LRIG2: variants seen among roughly 807,000 people sequenced by gnomAD.
LRIG2 encodes the protein leucine-rich repeats and immunoglobulin-like domains protein 2.
In LRIG2, 93 loss-of-function variants were observed where a neutral mutation model predicts 107.8. The ratio of observed to expected loss-of-function variants is 0.86; its 90% CI spans 0.73 to 1.03. LRIG2 has a LOEUF of 1.03. Ranked by LOEUF, LRIG2 falls within the 50% of genes least tolerant of loss-of-function variation. The pLI is 0.00. For missense variants in LRIG2, 1,226 were observed against 1,296.0 expected (o/e 0.95, Z 0.83); for synonymous variants, 471 against 470.6 (o/e 1.00, Z -0.01).
In LRIG2 at chr1:113,080,836, GTTTTTTT is replaced by G. The variant is rs1007236694; in HGVS notation, c.239+7209_239+7215del. ...AATTCTAAATATGGGAACACTAAAA[GTTTTTTT>G]TTTTTTTTTTTTTTTTTGAGACGGA... On this transcript the variant is annotated intron_variant, in intron 1 of 17. Coordinates refer to ENST00000361127, the MANE Select transcript of LRIG2 (RefSeq NM_014813.3). Among the ~76,000 whole-genome samples, 543 of 84,610 alleles carry G rather than the reference GTTTTTTT, an allele frequency of 6.4e-3. 2 individuals carry two copies. The highest frequency in any genetic ancestry group is 0.032 in the Middle Eastern group (3 of 94). 55.5% of individuals were successfully genotyped at this position (84,610 alleles called of 152,430 possible).
chr1:113,111,470 C>A (rs1217966396), intron 13 of LRIG2, among the ~76,000 whole-genome samples: 6 of 152,102 alleles, frequency 3.9e-5, no homozygotes, highest in African/African-American at 1.4e-4. Flanking sequence ...TATCCCTAGC[C>A]CCCGCTCACC....
intron 15 of LRIG2, among the ~76,000 whole-genome samples, chr1:113,115,702 AT>A (rs201742549): frequency 0.017 from 2,578 of 151,550 alleles, 75 homozygotes; most frequent in African/African-American, 0.059. Flanking sequence ...TAATTTTTGT[AT>A]TTTTAGTTGA....
intron 4 of LRIG2, 134 bp downstream of exon 4, chr1:113,093,698 C>T (rs1447971071): frequency 1.4e-5 from 6 of 441,552 alleles, no homozygotes; most frequent in African/African-American, 1.2e-4. Flanking sequence ...GGGTGCAGCG[C>T]ACCAGCATGG....
rs1557924260 is a variant in LRIG2 at position 113,123,730 on chromosome 1, TGTG to T, written c.2972-144_2972-142del. The T allele has an allele frequency of 1.6e-3, 729 of 456,746 alleles. 1 individual carries two copies. The highest frequency in any genetic ancestry group is 9.3e-3 in the East Asian group (246 of 26,340). The allele number at this position is 456,746 out of a possible 1,614,324, so 28.3% of individuals were successfully genotyped here. On this transcript the variant is annotated intron_variant, in intron 17 of 17. Coordinates refer to ENST00000361127, the MANE Select transcript of LRIG2 (RefSeq NM_014813.3). Reference sequence around the variant, plus strand: ...GACCATGTTCTGGTGGTGGTTTTTGTGTGTGTGTGTGTGTGTGTGTGTGTGTGT... The same window carrying T: ...GACCATGTTCTGGTGGTGGTTTTTGTTGTGTGTGTGTGTGTGTGTGTGTGT...
intron 8 of LRIG2, among the ~76,000 whole-genome samples, chr1:113,097,736 C>T (rs1384923457): frequency 1.3e-5 from 2 of 152,140 alleles, no homozygotes; most frequent in African/African-American, 4.8e-5. Context: ...AGGATCAAAT[C>T]TGGGGAATTC....
chr1:113,100,682 T>G (rs1312499517), intron 11 of LRIG2, 194 bp downstream of exon 11: 9 of 449,308 alleles, frequency 2.0e-5, no homozygotes, highest in South Asian at 3.3e-5. Context: ...GCCCAGAGTG[T>G]GTGGCACCAA....
In LRIG2 at chr1:113,088,597, A is replaced by G. The variant is rs61818195; in HGVS notation, c.240-2721A>G. ...GTTAGGATTAAAATGAAAGCCCTTA[A>G]TCTGGAAGGGGAAAACTGCTAAGTT... On this transcript the variant is annotated intron_variant, in intron 1 of 17. Coordinates refer to ENST00000361127, the MANE Select transcript of LRIG2 (RefSeq NM_014813.3). Among the ~76,000 whole-genome samples, 1,122 of 152,282 alleles carry G rather than the reference A, an allele frequency of 7.4e-3. 6 individuals carry two copies. The highest frequency in any genetic ancestry group is 0.012 in the Non-Finnish European group (810 of 68,018).
In LRIG2 at chr1:113,112,752, C is replaced by G. The variant is rs763885760; in HGVS notation, c.2072C>G (p.Thr691Arg). 1.2e-6 allele frequency: 2 copies of G among 1,603,598 alleles called. No individual in the cohort carries two copies. The highest frequency in any genetic ancestry group is 1.7e-6 in the Non-Finnish European group (2 of 1,171,238). ...GGTCTCTCAGCAAATGCTTCCCTAA[C>G]AGTGTTAGGTACGTTTACTGCTCCA... is the stretch of plus-strand genomic sequence containing the variant. ...AGGLSANASL[T>R]VLETPSFIRP... The change falls in exon 14 of 18, where the codon ACA becomes AGA. Residue 691 changes from threonine to arginine, a missense_variant. Coordinates refer to ENST00000361127, the MANE Select transcript of LRIG2 (RefSeq NM_014813.3).
chr1:113,096,043 G>A lies in LRIG2; in HGVS notation c.947+26G>A, dbSNP rs764515611. The A allele has an allele frequency of 1.1e-5, 17 of 1,613,732 alleles. No homozygotes were observed. In the South Asian group the frequency reaches 1.9e-4, roughly 18 times the overall value. On this transcript the variant is annotated intron_variant, in intron 7 of 17. Transcript: ENST00000361127. ...GTAAGTGTTGGATAGCATTTCACTG[G>A]AGGCAGTTAAGACTAGAGCAGATTG... is the stretch of plus-strand genomic sequence containing the variant.
intron 1 of LRIG2, among the ~76,000 whole-genome samples, chr1:113,089,698 T>TG (rs1553227174): frequency 3.5e-5 from 5 of 144,594 alleles, no homozygotes; most frequent in African/African-American, 8.0e-5. Flanking sequence ...TTTTTTTTTT[T>TG]GGAGACAGAG....
intron 1 of LRIG2, among the ~76,000 whole-genome samples, chr1:113,080,422 C>T (rs1653215555): frequency 1.3e-5 from 2 of 151,926 alleles, no homozygotes; most frequent in African/African-American, 4.8e-5. Context: ...CTCTGTTGCC[C>T]AGGCTGGAGT....
chr1:113,090,559 TG>T (rs1246934769), intron 1 of LRIG2, among the ~76,000 whole-genome samples: 1 of 151,878 alleles, frequency 6.6e-6, no homozygotes, highest in African/African-American at 2.4e-5. Flanking sequence ...TTTTTTTGGC[TG>T]GGTGTGGTGT....
chr1:113,116,873 G>A (rs1363460225), intron 16 of LRIG2, among the ~76,000 whole-genome samples: 2 of 152,176 alleles, frequency 1.3e-5, no homozygotes, highest in Non-Finnish European at 1.5e-5. Flanking sequence ...ATCTACCCAC[G>A]AGGCTGAAGC....
At chr1:113,102,691 T>A (rs2101046004) in intron 11 of LRIG2, among the ~76,000 whole-genome samples, 1 of 152,216 alleles carries the variant, frequency 6.6e-6, no homozygotes, top group East Asian at 1.9e-4. Context: ...TATGTTCATA[T>A]TTTTCTTTTT....
chr1:113,093,116 T>C (rs754932070), intron 2 of LRIG2, 90 bp from the exon 3 acceptor site: 36 of 764,616 alleles, frequency 4.7e-5, no homozygotes, highest in Non-Finnish European at 7.4e-5. Context: ...TTGGCACCTA[T>C]TCTAAAGAAT....
At chr1:113,087,071 A>AAGGCTCACTACAGCCT (rs1412071454) in intron 1 of LRIG2, among the ~76,000 whole-genome samples, 1 of 152,142 alleles carries the variant, frequency 6.6e-6, no homozygotes, top group Admixed American at 6.6e-5. Flanking sequence ...TGAGCCTGGG[A>AAGGCTCACTACAGCCT]GGTGAAGGCT....
intron 1 of LRIG2, among the ~76,000 whole-genome samples, chr1:113,086,285 A>G (rs1216771): frequency 0.98 from 149,002 of 152,204 alleles, 73,010 homozygotes; most frequent in East Asian, 1. Context: ...GATTACAGGC[A>G]TGAGCCACTG....
intron 4 of LRIG2, 121 bp from the exon 5 acceptor site, chr1:113,094,217 AG>A (rs1426781062): frequency 1.7e-6 from 1 of 601,150 alleles, no homozygotes; most frequent in Non-Finnish European, 2.8e-6. Flanking sequence ...TGATTTATAA[AG>A]TTGTGGATGG....
chr1:113,094,492 G>A lies in LRIG2; in HGVS notation c.659+10G>A, dbSNP rs768869045. The stretch of plus-strand genomic sequence containing the variant: ...CTCACCTCCAATTCTTGTGAGTAAC[G>A]AAATAGACGGATTATAAGAAGATAG... On this transcript the variant is annotated intron_variant, in intron 5 of 17. Transcript: ENST00000361127. 1.9e-5 allele frequency: 31 copies of A among 1,600,050 alleles called. No homozygotes were observed. Among genetic ancestry groups the A allele is most frequent in the East Asian group, 4.5e-5 (2 of 44,814 alleles).
Sources: gnomAD v4.1 joint callset for allele counts (sites outside exome capture counted in the v4.1 genomes callset) on GRCh38, gnomAD v4.1.1 for gene constraint, MANE v1.5 for transcripts, NCBI Gene and HGNC (gene_info 2026-07-23, HGNC 2026-07-21) for gene names.